Variants in LAPTM4A observed in about 807,000 individuals in gnomAD.
LAPTM4A encodes the protein lysosomal protein transmembrane 4 alpha.
Under a neutral mutation model 29.9 loss-of-function variants are expected in LAPTM4A, and 19 were observed. The observed-to-expected ratio is 0.64, with a 90% CI of 0.44 to 0.93. The LOEUF is 0.93. LAPTM4A is among the 40% of genes least tolerant of loss of function. The probability of loss-of-function intolerance (pLI) is 0.00; values close to 1 mark genes in which losing one functional copy is unlikely to be tolerated. For synonymous variants in LAPTM4A, 105 were observed against 102.1 expected (o/e 1.03, Z -0.17); for missense variants, 293 against 288.5 (o/e 1.02, Z -0.11).
intron 1 of LAPTM4A, among the ~76,000 whole-genome samples, chr2:20,046,145 A>G (rs1673913506): frequency 6.6e-6 from 1 of 152,176 alleles, no homozygotes; most frequent in Admixed American, 6.5e-5. Context: ...CTGAACAATG[A>G]GAACACTTGG....
chr2:20,032,863 C>A lies in LAPTM4A; in HGVS notation c.*342G>T. On this transcript the variant is annotated 3_prime_UTR_variant, in exon 7 of 7. Transcript: ENST00000175091. ...TGAAAGTACTCAGGGTAGCAAGTAA[C>A]AAAATGCAAACGATTATATAAAGAA... 4.2e-6 allele frequency: 1 copy of A among 238,640 alleles called. No homozygotes were observed. The highest frequency in any genetic ancestry group is 8.3e-6 in the Non-Finnish European group (1 of 121,192). 14.8% of individuals were successfully genotyped at this position (238,640 alleles called of 1,614,324 possible). A position where few individuals can be genotyped will look rare whatever the true frequency, so the allele number is the denominator to read the frequency against.
intron 1 of LAPTM4A, among the ~76,000 whole-genome samples, chr2:20,048,873 TAC>T (rs1299166191): frequency 1.3e-5 from 2 of 152,222 alleles, no homozygotes; most frequent in African/African-American, 4.8e-5. Flanking sequence ...AGTATTATAC[TAC>T]AGTTTGGCTT....
In LAPTM4A at chr2:20,038,615, G is replaced by A. The variant is rs537124276; in HGVS notation, c.233-1001C>T. Among the ~76,000 whole-genome samples the A allele has an allele frequency of 6.6e-5, 10 of 152,070 alleles. No homozygotes were observed. In the East Asian group the frequency reaches 1.4e-3, roughly 21 times the overall value. On this transcript the variant is annotated intron_variant, in intron 2 of 6. Transcript: ENST00000175091. ...TAATTTCTGTATTTCTAGTAGAGAC[G>A]AGGTTTCACCATGTTGGCCAGGCTG...
intron 1 of LAPTM4A, among the ~76,000 whole-genome samples, chr2:20,044,168 C>T (rs1295273110): frequency 6.6e-6 from 1 of 152,170 alleles, no homozygotes; most frequent in Non-Finnish European, 1.5e-5. Context: ...TTGTTGCCCA[C>T]ATTTGCTGCA....
rs1183998516 is a variant in LAPTM4A at position 20,034,320 on chromosome 2, A to G, written c.624T>C (p.Pro208=). 1 of 1,607,982 alleles carries G rather than the reference A, an allele frequency of 6.2e-7. No individual in the cohort carries two copies. Among genetic ancestry groups the G allele is most frequent in the Admixed American group, 1.7e-5 (1 of 59,994 alleles). The stretch of plus-strand genomic sequence containing the variant: ...ACTCTATCCAACAGTAGCTAACCTG[A>G]GGAGGTGCTTCAAAGGCAGGGTACA... ...IAVYPAFEAP[P]QYVLPTYEMA... is the part of the protein sequence containing the mutation. Residue 208 remains proline, a synonymous_variant, in exon 6 of 7, where the codon CCT becomes CCC. Transcript: ENST00000175091.
rs757475980 is a variant in LAPTM4A, at chr2:20,034,963, G to T, written c.528+4C>A. On this transcript the variant is annotated splice_donor_region_variant and intron_variant, in intron 5 of 6. Transcript: ENST00000175091. ...CACCCCTAAAGATTTAGTCAGCAACGTACCTTAAAAATGATGAATAAGGCA... is the reference window on the plus strand; with the variant it reads ...CACCCCTAAAGATTTAGTCAGCAACTTACCTTAAAAATGATGAATAAGGCA... The T allele has an allele frequency of 6.2e-7, 1 of 1,603,502 alleles. No individual in the cohort carries two copies. The highest frequency in any genetic ancestry group is 1.7e-5 in the Admixed American group (1 of 59,908).
At chr2:20,034,190 A>G (rs1159530872) in intron 6 of LAPTM4A, 127 bp downstream of exon 6, 7 of 721,788 alleles carry the variant, frequency 9.7e-6, no homozygotes, top group South Asian at 3.2e-5. Flanking sequence ...AGCTGTTCAT[A>G]AAAGTACCCA....
chr2:20,040,057 A>G (rs1386037598), intron 2 of LAPTM4A, among the ~76,000 whole-genome samples: 2 of 151,530 alleles, frequency 1.3e-5, no homozygotes, highest in African/African-American at 4.9e-5. Flanking sequence ...AAAAAAAAAG[A>G]AAGGCATTTA....
Position 20,033,145 on chromosome 2 carries a change from T to C in LAPTM4A, c.*60A>G. ...GTTTGAAGAGCCCTGAATTGCAGCATTCTGTAACATAAACAAACAAAAAGC... is the reference window on the plus strand; with the variant it reads ...GTTTGAAGAGCCCTGAATTGCAGCACTCTGTAACATAAACAAACAAAAAGC... On this transcript the variant is annotated 3_prime_UTR_variant, in exon 7 of 7. Transcript: ENST00000175091. 7.4e-7 allele frequency: 1 copy of C among 1,352,276 alleles called. No individual in the cohort carries two copies. The highest frequency in any genetic ancestry group is 1.1e-6 in the Non-Finnish European group (1 of 941,484). The allele number at this position is 1,352,276 out of a possible 1,614,324, so 83.8% of individuals were successfully genotyped here. A position where few individuals can be genotyped will look rare whatever the true frequency, so the allele number is the denominator to read the frequency against.
At chr2:20,040,521 G>C (rs533167093) in intron 2 of LAPTM4A, among the ~76,000 whole-genome samples, 1 of 152,212 alleles carries the variant, frequency 6.6e-6, no homozygotes, top group South Asian at 2.1e-4. Flanking sequence ...GACAGACATG[G>C]GCCAACAACA....
intron 1 of LAPTM4A, among the ~76,000 whole-genome samples, chr2:20,044,217 C>T (rs1449412857): frequency 6.6e-6 from 1 of 152,124 alleles, no homozygotes; most frequent in African/African-American, 2.4e-5. Context: ...TGAGTATGAG[C>T]TAATACAACT....
intron 1 of LAPTM4A, among the ~76,000 whole-genome samples, chr2:20,050,086 C>G (rs941546685): frequency 2.0e-5 from 3 of 152,082 alleles, no homozygotes; most frequent in African/African-American, 7.2e-5. Flanking sequence ...GGCGGTATTT[C>G]CGAATATAAA....
chr2:20,037,554 AC>A lies in LAPTM4A; in HGVS notation c.292del (p.Val98PhefsTer12). On this transcript the variant is annotated frameshift_variant, in exon 3 of 7. Coordinates refer to ENST00000175091, the MANE Select transcript of LAPTM4A (RefSeq NM_014713.5). LOFTEE classifies it high-confidence loss of function. ...VLMFIISSML[V>X]YGAISYQVGW... ...TATACTTACAGAAATTGCTCCATAAACCAGCATTGAACTGATTATAAACATA... is the reference window on the plus strand; with the variant it reads ...TATACTTACAGAAATTGCTCCATAAACAGCATTGAACTGATTATAAACATA... 6.2e-7 allele frequency: 1 copy of A among 1,610,766 alleles called. No homozygotes were observed. The highest frequency in any genetic ancestry group is 8.5e-7 in the Non-Finnish European group (1 of 1,178,708).
intron 1 of LAPTM4A, among the ~76,000 whole-genome samples, chr2:20,043,211 CT>C (rs768927745): frequency 0.031 from 2,391 of 78,260 alleles, 42 homozygotes; most frequent in African/African-American, 0.058. Flanking sequence ...TAGCTGGGAC[CT>C]TTTTTTTTTT....
At chr2:20,049,276 G>A (rs1674002324) in intron 1 of LAPTM4A, among the ~76,000 whole-genome samples, 1 of 152,332 alleles carries the variant, frequency 6.6e-6, no homozygotes, top group South Asian at 2.1e-4. Flanking sequence ...CAGGTGGTCA[G>A]TAAATCTCTT....
intron 1 of LAPTM4A, among the ~76,000 whole-genome samples, chr2:20,049,772 G>A (rs1376275351): frequency 6.6e-6 from 1 of 152,166 alleles, no homozygotes; most frequent in Non-Finnish European, 1.5e-5. Flanking sequence ...AGAGAGCCAG[G>A]TCGATGGATT....
intron 1 of LAPTM4A, among the ~76,000 whole-genome samples, chr2:20,050,602 G>C (rs547698331): frequency 1.3e-5 from 2 of 152,210 alleles, no homozygotes; most frequent in Admixed American, 1.3e-4. Flanking sequence ...AATTACAAAA[G>C]AAAAAATCAC....
At chr2:20,037,752 A>G in intron 2 of LAPTM4A, 138 bp from the exon 3 acceptor site, 2 of 40,426 alleles carry the variant, frequency 4.9e-5, no homozygotes, top group Non-Finnish European at 4.3e-5. Flanking sequence ...CCAAGAGGGT[A>G]AAAAAAAAAA....
chr2:20,040,768 G>A, intron 2 of LAPTM4A, 123 bp downstream of exon 2: 2 of 929,028 alleles, frequency 2.2e-6, no homozygotes, highest in Non-Finnish European at 3.3e-6. Flanking sequence ...TACACCCTAT[G>A]ATGTTCACAC....
Sources: allele counts gnomAD v4.1 joint callset (sites outside exome capture counted in the v4.1 genomes callset), GRCh38; gene constraint gnomAD v4.1.1; transcripts MANE v1.5; gene names NCBI Gene and HGNC (gene_info 2026-07-23, HGNC 2026-07-21).